Variants in MACROD2 observed in about 807,000 individuals in gnomAD.
MACROD2 encodes the protein mono-ADP ribosylhydrolase 2, also known as ADP-ribose glycohydrolase MACROD2.
MACROD2 carries 36 observed loss-of-function variants against 70.4 expected under a neutral mutation model. The observed-to-expected ratio is 0.51, with a 90% CI of 0.39 to 0.68. The LOEUF (loss-of-function observed/expected upper bound fraction) is 0.68. Among genes scored for constraint, MACROD2 ranks in the 30% least tolerant of loss-of-function variants. The pLI is 0.00. For missense variants in MACROD2, 496 were observed against 538.4 expected, an observed-to-expected ratio of 0.92 and a Z score of 0.78; for synonymous variants, 172 against 178.8, an observed-to-expected ratio of 0.96 and a Z score of 0.30.
intron 3 of MACROD2, among the ~76,000 whole-genome samples, chr20:14,123,214 A>G: frequency 6.6e-6 from 1 of 152,284 alleles, no homozygotes; most frequent in Middle Eastern, 3.4e-3. Flanking sequence ...ACTTTAAATT[A>G]TTTATAGAAA....
chr20:14,967,348 G>GC (rs2074647237), intron 5 of MACROD2, among the ~76,000 whole-genome samples: 1 of 146,496 alleles, frequency 6.8e-6, no homozygotes, highest in African/African-American at 2.8e-5. Flanking sequence ...ATTTTTAGTA[G>GC]AGACGGGGTC....
intron 5 of MACROD2, among the ~76,000 whole-genome samples, chr20:14,971,984 G>C (rs954226159): frequency 6.6e-6 from 1 of 152,088 alleles, no homozygotes; most frequent in African/African-American, 2.4e-5. Context: ...TCAGTTTTAC[G>C]GGCTGCTTTT....
chr20:15,307,266 CTATAGA>C (rs2077707095), intron 6 of MACROD2, among the ~76,000 whole-genome samples: 1 of 152,050 alleles, frequency 6.6e-6, no homozygotes, highest in African/African-American at 2.4e-5. Context: ...GACTCTGAAG[CTATAGA>C]TTTGCTGTGG....
chr20:14,462,582 T>G (rs529159002), intron 3 of MACROD2, among the ~76,000 whole-genome samples: 2 of 133,934 alleles, frequency 1.5e-5, no homozygotes, highest in African/African-American at 5.0e-5. Flanking sequence ...CCATTGCTTT[T>G]GGTGTTTTAG....
chr20:15,331,994 T>A (rs2077997766), intron 6 of MACROD2, among the ~76,000 whole-genome samples: 1 of 151,546 alleles, frequency 6.6e-6, no homozygotes, highest in African/African-American at 2.4e-5. Context: ...CAGAGGGGTC[T>A]TATTTCACTA....
intron 15 of MACROD2, among the ~76,000 whole-genome samples, chr20:15,991,403 T>A (rs2066557222): frequency 6.6e-6 from 1 of 152,206 alleles, no homozygotes; most frequent in African/African-American, 2.4e-5. Flanking sequence ...GATTCTTACA[T>A]CACTGGCAGA....
Position 14,326,040 on chromosome 20 carries a change from T to C in MACROD2, c.272-167439T>C. 6.2e-7 allele frequency: 1 copy of C among 1,613,876 alleles called. No homozygotes were observed. Among genetic ancestry groups the C allele is most frequent in the Non-Finnish European group, 8.5e-7 (1 of 1,179,850 alleles). ...CAATACAAACAGGAGTTTCATCAAA[T>C]AGGTAGAGGTTGCTGGTTTCCATGG... On this transcript the variant is annotated intron_variant, in intron 3 of 17. Transcript: ENST00000684519. The surrounding 1 kb of genome is among the most constrained non-coding windows in gnomAD (Gnocchi z 5.5).
intron 6 of MACROD2, among the ~76,000 whole-genome samples, chr20:15,260,011 A>G (rs1412703226): frequency 6.6e-6 from 1 of 151,950 alleles, no homozygotes; most frequent in Non-Finnish European, 1.5e-5. Context: ...TTATGGATGC[A>G]TAATAGTTGT....
Position 15,655,954 on chromosome 20 carries a change from A to AT in MACROD2, c.645+156110dup, listed in dbSNP as rs776583157. ...TGTTACGAATTAAGTCTTTACCATC[A>AT]TTTAGTGAAATGTTATCCTCGTAAT... is the stretch of plus-strand genomic sequence containing the variant. On this transcript the variant is annotated intron_variant, in intron 8 of 17. Transcript: ENST00000684519. Among the ~76,000 whole-genome samples the AT allele has an allele frequency of 2.6e-5, 4 of 152,076 alleles. 1 individual carries two copies. Among genetic ancestry groups the AT allele is most frequent in the African/African-American group, 4.8e-5 (2 of 41,402 alleles).
intron 5 of MACROD2, among the ~76,000 whole-genome samples, chr20:14,734,348 A>G (rs867114452): frequency 6.6e-6 from 1 of 151,972 alleles, no homozygotes; most frequent in Admixed American, 6.5e-5. Flanking sequence ...AATACGAAAA[A>G]AAATTAGCCA....
chr20:14,380,225 G>A (rs1454550430), intron 3 of MACROD2, among the ~76,000 whole-genome samples: 2 of 152,020 alleles, frequency 1.3e-5, no homozygotes, highest in African/African-American at 2.4e-5. Flanking sequence ...CATTTCATGT[G>A]CTTATTTGCT....
intron 5 of MACROD2, among the ~76,000 whole-genome samples, chr20:15,117,287 G>T (rs1344917101): frequency 6.6e-6 from 1 of 152,072 alleles, no homozygotes; most frequent in African/African-American, 2.4e-5. Flanking sequence ...GCCAATTTTA[G>T]CTTCCTTATT....
At chr20:15,347,891 A>G (rs1462302651) in intron 6 of MACROD2, among the ~76,000 whole-genome samples, 1 of 152,220 alleles carries the variant, frequency 6.6e-6, no homozygotes, top group Non-Finnish European at 1.5e-5. Flanking sequence ...TTTGGCTGAT[A>G]GGAATATACA....
intron 9 of MACROD2, among the ~76,000 whole-genome samples, chr20:15,866,460 A>G (rs1338416634): frequency 6.6e-6 from 1 of 151,368 alleles, no homozygotes; most frequent in Non-Finnish European, 1.5e-5. Flanking sequence ...GGAAAAAAAG[A>G]AAAAAAAATG....
intron 10 of MACROD2, among the ~76,000 whole-genome samples, chr20:15,909,861 G>T (rs989553758): frequency 1.3e-5 from 2 of 152,072 alleles, no homozygotes; most frequent in African/African-American, 2.4e-5. Flanking sequence ...GTCCTTTGGG[G>T]TTCAGAAGAA....
intron 6 of MACROD2, among the ~76,000 whole-genome samples, chr20:15,312,620 T>C (rs528666295): frequency 6.6e-6 from 1 of 152,140 alleles, no homozygotes; most frequent in Non-Finnish European, 1.5e-5. Flanking sequence ...TTAAAGGAAA[T>C]GTATGTTGTG....
At chr20:15,182,442 G>T (rs1030152136) in intron 5 of MACROD2, among the ~76,000 whole-genome samples, 1 of 152,166 alleles carries the variant, frequency 6.6e-6, no homozygotes, top group Admixed American at 6.5e-5. Context: ...AGCTAACAAG[G>T]TCATAAGCTC....
At chr20:15,079,535 C>T in intron 5 of MACROD2, among the ~76,000 whole-genome samples, 1 of 152,086 alleles carries the variant, frequency 6.6e-6, no homozygotes, top group East Asian at 1.9e-4. Flanking sequence ...GCCATTAATC[C>T]CACACACATC....
At chr20:14,305,411 A>G (rs2082511345) in intron 3 of MACROD2, among the ~76,000 whole-genome samples, 3 of 152,256 alleles carry the variant, frequency 2.0e-5, no homozygotes, top group Non-Finnish European at 4.4e-5. Context: ...TGTATTATCA[A>G]TGGTGATTAG....
Sources: allele counts gnomAD v4.1 joint callset (sites outside exome capture counted in the v4.1 genomes callset), GRCh38; gene constraint gnomAD v4.1.1; non-coding constraint Gnocchi (gnomAD v3.1); transcripts MANE v1.5; gene names NCBI Gene and HGNC (gene_info 2026-07-23, HGNC 2026-07-21).